The following ARHGAP6 variants were observed in gnomAD, a reference collection of about 807,000 sequenced individuals.
ARHGAP6 encodes rho GTPase-activating protein 6.
In ARHGAP6, 16 loss-of-function variants were observed where a neutral mutation model predicts 55.7. The observed-to-expected ratio is 0.29, with a 90% CI of 0.19 to 0.44. The LOEUF (loss-of-function observed/expected upper bound fraction) is 0.44. ARHGAP6 is among the 20% of genes least tolerant of loss of function. The probability of loss-of-function intolerance (pLI) is 1.00; values close to 1 mark genes in which losing one functional copy is unlikely to be tolerated. For synonymous variants in ARHGAP6, 382 were observed against 360.9 expected (o/e 1.06, Z -0.66); for missense variants, 698 against 808.9 (o/e 0.86, Z 1.66).
intron 1 of ARHGAP6, among the ~76,000 whole-genome samples, chrX:11,304,529 C>G (rs1192957725): frequency 1.8e-5 from 2 of 110,445 alleles, no homozygotes; most frequent in Admixed American, 9.6e-5. Context: ...CCAAGACAAG[C>G]CTTCATCCTC....
chrX:11,640,595 T>A (rs2052463767), intron 1 of ARHGAP6, among the ~76,000 whole-genome samples: 1 of 111,745 alleles, frequency 8.9e-6, no homozygotes, highest in Non-Finnish European at 1.9e-5. Context: ...TGCTGCTTTA[T>A]CCTATAACTG....
intron 1 of ARHGAP6, among the ~76,000 whole-genome samples, chrX:11,546,785 T>C (rs1033680426): frequency 8.9e-6 from 1 of 112,348 alleles, no homozygotes; most frequent in African/African-American, 3.2e-5. Flanking sequence ...ATGGAGATGG[T>C]CATTCAATAA....
chrX:11,275,799 G>T (rs994247736), intron 1 of ARHGAP6, among the ~76,000 whole-genome samples: 14 of 111,461 alleles, frequency 1.3e-4, no homozygotes, highest in African/African-American at 4.6e-4. Flanking sequence ...CATGGTTAGG[G>T]TGAGGGGTGC....
At chrX:11,544,715 G>A (rs1393947547) in intron 1 of ARHGAP6, among the ~76,000 whole-genome samples, 5 of 112,006 alleles carry the variant, frequency 4.5e-5, no homozygotes, top group East Asian at 2.8e-4. Context: ...CACTTGAATC[G>A]TGTGATTTCT....
chrX:11,620,714 T>A (rs1333625232), intron 1 of ARHGAP6, among the ~76,000 whole-genome samples: 1 of 112,288 alleles, frequency 8.9e-6, no homozygotes, highest in Non-Finnish European at 1.9e-5. Flanking sequence ...TCAGTGACTT[T>A]CTTCCCCAGA....
At chrX:11,578,962 T>C (rs1053946395) in intron 1 of ARHGAP6, among the ~76,000 whole-genome samples, 4 of 98,296 alleles carry the variant, frequency 4.1e-5, no homozygotes, top group African/African-American at 1.2e-4. Flanking sequence ...TTTTCACTCA[T>C]AGATGAGAAT....
intron 2 of ARHGAP6, among the ~76,000 whole-genome samples, chrX:11,235,912 G>C (rs2047193758): frequency 9.0e-6 from 1 of 111,664 alleles, no homozygotes; most frequent in African/African-American, 3.3e-5. Context: ...AAGTTTCTGA[G>C]CCCTCTGTCT....
chrX:11,547,428 T>G (rs2051222541), intron 1 of ARHGAP6, among the ~76,000 whole-genome samples: 1 of 111,610 alleles, frequency 9.0e-6, no homozygotes, highest in African/African-American at 3.3e-5. Flanking sequence ...ATGTTGCTAG[T>G]CCATGGCCCA....
chrX:11,432,878 G>A (rs766195027), intron 1 of ARHGAP6, among the ~76,000 whole-genome samples: 1 of 112,431 alleles, frequency 8.9e-6, no homozygotes, highest in East Asian at 2.8e-4. Context: ...TCATTAGGCA[G>A]AATTTCAGCA....
chrX:11,294,197 A>G, intron 1 of ARHGAP6, among the ~76,000 whole-genome samples: 1 of 112,488 alleles, frequency 8.9e-6, no homozygotes, highest in Non-Finnish European at 1.9e-5. Context: ...TTGCTCCACA[A>G]TCTGGAGCTC....
At chrX:11,400,784 G>A (rs2049538988) in intron 1 of ARHGAP6, among the ~76,000 whole-genome samples, 1 of 112,104 alleles carries the variant, frequency 8.9e-6, no homozygotes, top group Non-Finnish European at 1.9e-5. Context: ...CTCATGCTGT[G>A]ACTGTGCCGT....
chrX:11,167,102 C>T (rs1436881751), intron 9 of ARHGAP6, among the ~76,000 whole-genome samples: 2 of 111,962 alleles, frequency 1.8e-5, no homozygotes, highest in African/African-American at 6.5e-5. Context: ...ACAGAACAAC[C>T]ATTGAGTCAT....
At chrX:11,645,172 G>A (rs976005631) in intron 1 of ARHGAP6, among the ~76,000 whole-genome samples, 2 of 111,684 alleles carry the variant, frequency 1.8e-5, no homozygotes. Context: ...GTGGTTGCCA[G>A]TAGGGGCAGG....
chrX:11,634,393 A>G (rs780115813), intron 1 of ARHGAP6, among the ~76,000 whole-genome samples: 90 of 111,788 alleles, frequency 8.1e-4, no homozygotes, highest in Non-Finnish European at 1.1e-3. Context: ...TAATAGCCTA[A>G]CTTTCTGGAA....
chrX:11,178,122 T>C lies in ARHGAP6; in HGVS notation c.1607A>G (p.Asn536Ser). The C allele has an allele frequency of 8.3e-7, 1 of 1,211,525 alleles. No homozygotes were observed. Residue 536 changes from asparagine (N) to serine (S), a missense_variant, in exon 8 of 13, where the codon AAC (asparagine) becomes AGC (serine). By Grantham distance (46) the Asn-to-Ser change is conservative. This residue lies in a region of ARHGAP6 where 322 missense variants were observed against 451.1 expected (regional missense o/e 0.71). Coordinates refer to ENST00000337414, the MANE Select transcript of ARHGAP6 (RefSeq NM_013427.3). ...LSIVARHADD[N>S]ISKDGQEVTG... Reference sequence around the variant, plus strand: ...TACCTCTTGCCCATCTTTGCTGATGTTGTCATCGGCATGCCTGGCCACGAT... The same window carrying C: ...TACCTCTTGCCCATCTTTGCTGATGCTGTCATCGGCATGCCTGGCCACGAT...
rs756107086 is a variant in ARHGAP6, at chrX:11,340,297, C to G, written c.589-85590G>C. 5.3e-5 allele frequency among the ~76,000 whole-genome samples: 6 copies of G among 112,160 alleles called. No homozygotes were observed. In the East Asian group the frequency reaches 1.7e-3, roughly 31 times the overall value. On this transcript the variant is annotated intron_variant, in intron 1 of 12. Coordinates refer to ENST00000337414, the MANE Select transcript of ARHGAP6 (RefSeq NM_013427.3). ...CTTCACTCACTAGACTCCCAACTCT[C>G]TTTTGTACATACTGTTCCCTCCGCC...
chrX:11,330,769 T>C lies in ARHGAP6; in HGVS notation c.589-76062A>G, dbSNP rs73494798. 7.6e-3 allele frequency among the ~76,000 whole-genome samples: 845 copies of C among 111,867 alleles called. 10 individuals are homozygous for C. The highest frequency in any genetic ancestry group is 0.026 in the African/African-American group (807 of 30,807). On this transcript the variant is annotated intron_variant, in intron 1 of 12. Coordinates refer to ENST00000337414, the MANE Select transcript of ARHGAP6 (RefSeq NM_013427.3). ...GGTGGCAGAGTCAAAATGCAGAGAA[T>C]AGATTTAGCAAATCAATTGGAGTCA...
chrX:11,438,871 G>A (rs1258384709), intron 1 of ARHGAP6, among the ~76,000 whole-genome samples: 2 of 112,618 alleles, frequency 1.8e-5, no homozygotes, highest in African/African-American at 6.5e-5. Context: ...GGTGAAGAGA[G>A]AGCCAGAGGG....
At chrX:11,206,842 A>C (rs576370197) in intron 2 of ARHGAP6, among the ~76,000 whole-genome samples, 2 of 111,525 alleles carry the variant, frequency 1.8e-5, no homozygotes, top group South Asian at 3.8e-4. Context: ...TTTTGCATAC[A>C]TTTTAAATAA....
Sources: gnomAD v4.1 joint callset for allele counts (sites outside exome capture counted in the v4.1 genomes callset) on GRCh38, gnomAD v4.1.1 for gene constraint, gnomAD v4.1.1 regional missense constraint, MANE v1.5 for transcripts, NCBI Gene and HGNC (gene_info 2026-07-23, HGNC 2026-07-21) for gene names.